The following PHF19 variants were observed in gnomAD, a reference collection of about 807,000 sequenced individuals.
The protein encoded by PHF19 is polycomb like 3.
In PHF19, 21 loss-of-function variants were observed where a neutral mutation model predicts 79.8. That is an observed-to-expected ratio of 0.26 (90% confidence interval 0.19 to 0.38). The LOEUF (loss-of-function observed/expected upper bound fraction) is 0.38. Among genes scored for constraint, PHF19 ranks in the 10% least tolerant of loss-of-function variants. The pLI is 1.00. For missense variants in PHF19, 445 were observed against 744.2 expected (o/e 0.60, Z 4.68); for synonymous variants, 273 against 296.3 (o/e 0.92, Z 0.81).
At chr9:120,868,849 C>A (rs2045790387) in intron 6 of PHF19, 1 of 1,080,754 alleles carries the variant, frequency 9.3e-7, no homozygotes, top group Non-Finnish European at 1.1e-6. Context: ...CCGCCAGGCC[C>A]GCCTCCCGAG....
In PHF19 at chr9:120,860,948, G is replaced by A; in HGVS notation, c.1304+141C>T. On this transcript the variant is annotated intron_variant, in intron 13 of 14. Coordinates refer to ENST00000373896, the MANE Select transcript of PHF19 (RefSeq NM_015651.3). The surrounding 1 kb of genome is among the most constrained non-coding windows in gnomAD (Gnocchi z 4.1). ...GCTGTGGTGCTCTGGGAACAGGGAT[G>A]TTATGCTGAAAGCTCTACTGCAAAA... 6.2e-6 allele frequency: 4 copies of A among 648,016 alleles called. 1 individual carries two copies. The highest frequency in any genetic ancestry group is 2.7e-5 in the East Asian group (1 of 36,830). The allele number at this position is 648,016 out of a possible 1,614,324, so 40.1% of individuals were successfully genotyped here.
At chr9:120,895,998 A>G (rs2046398292), upstream of PHF19, among the ~76,000 whole-genome samples, 1 of 152,112 alleles carries the variant, frequency 6.6e-6, no homozygotes, top group Admixed American at 6.6e-5. Flanking sequence ...TGTGAATTGC[A>G]TCTTTAAAAA....
rs1218867004 is a variant in PHF19 at position 120,869,353 on chromosome 9, G to T, written c.466-23C>A. ...TTTCTGGGGGGAGACGAGGGCCCCA[G>T]TCAACCACCAGGTCCGGGTGGACCA... is the stretch of plus-strand genomic sequence containing the variant. On this transcript the variant is annotated intron_variant, in intron 5 of 14. Transcript: ENST00000373896. The surrounding 1 kb of genome is among the most constrained non-coding windows in gnomAD (Gnocchi z 5.8). The T allele has an allele frequency of 1.2e-6, 2 of 1,608,586 alleles. No homozygotes were observed. The highest frequency in any genetic ancestry group is 2.2e-5 in the South Asian group (2 of 90,268).
rs1177734194 is a variant in PHF19 at position 120,860,319 on chromosome 9, AC to A, written c.1305-135del. On this transcript the variant is annotated intron_variant, in intron 13 of 14. Transcript: ENST00000373896. This position sits in a 1 kb window ranked among gnomAD's most constrained non-coding sequence, Gnocchi z 4.1. ...TCTTCCCACAGCTGAGCTTCCCACC[AC>A]CACACCTGTCTGTTTCCTACCCAGC... 3 of 632,830 alleles carry A rather than the reference AC, an allele frequency of 4.7e-6. No individual in the cohort carries two copies. The highest frequency in any genetic ancestry group is 8.7e-6 in the Non-Finnish European group (3 of 345,510). 39.2% of individuals were successfully genotyped at this position (632,830 alleles called of 1,614,324 possible).
upstream of PHF19, among the ~76,000 whole-genome samples, chr9:120,878,495 TGG>T (rs1161158413): frequency 6.6e-6 from 1 of 152,158 alleles, no homozygotes; most frequent in Non-Finnish European, 1.5e-5. Flanking sequence ...TGTGCTTTCA[TGG>T]GTGTGGCCAG....
At chr9:120,894,881 T>C (rs2046386730) in exon 1 of PHF19, 4 of 964,118 alleles carry the variant, frequency 4.1e-6, no homozygotes, top group Non-Finnish European at 5.3e-6. Context: ...GAATGCTAAA[T>C]ACACGACTTA....
At position 120,874,659 on chromosome 9, in the gene PHF19, T is replaced by A; in HGVS notation, c.83A>T (p.Lys28Met). The part of the protein sequence containing the change: ...SHLPNKGALA[K>M]VKNNFKDLMS... ...CAAGTCTTTGAAGTTGTTCTTGACC[T>A]TCGCCAGGGCCCCCTTGTTGGGGAG... is the stretch of plus-strand genomic sequence containing the variant. The change falls in exon 2 of 15, where the codon AAG becomes ATG. Residue 28 changes from lysine to methionine, a missense_variant. Physicochemically the swap from Lys to Met is moderately conservative, Grantham distance 95. Transcript: ENST00000373896. This position sits in a 1 kb window ranked among gnomAD's most constrained non-coding sequence, Gnocchi z 4.5. 6.2e-7 allele frequency: 1 copy of A among 1,613,846 alleles called. No individual in the cohort carries two copies. The highest frequency in any genetic ancestry group is 8.5e-7 in the Non-Finnish European group (1 of 1,179,698).
intron 3 of PHF19, among the ~76,000 whole-genome samples, chr9:120,871,862 A>AC (rs1216934744): frequency 5.3e-5 from 8 of 151,544 alleles, no homozygotes; most frequent in African/African-American, 1.2e-4. Context: ...ATAGGGTGAC[A>AC]CCCCCTCTCT....
At position 120,877,158 on chromosome 9, in the gene PHF19, C is replaced by T; in HGVS notation, c.-83G>A. On this transcript the variant is annotated 5_prime_UTR_variant, in exon 1 of 15. Transcript: ENST00000373896. ...CCAGGCGCATCGGTGGCGGAGGCGG[C>T]TGCGCTCGGCCCGCGGCTGCCCGGC... is the stretch of plus-strand genomic sequence containing the variant. 1 of 983,726 alleles carries T rather than the reference C, an allele frequency of 1.0e-6. No individual in the cohort carries two copies. The highest frequency in any genetic ancestry group is 1.2e-6 in the Non-Finnish European group (1 of 829,408). The allele number at this position is 983,726 out of a possible 1,614,324, so 60.9% of individuals were successfully genotyped here. A position where few individuals can be genotyped will look rare whatever the true frequency, so the allele number is the denominator to read the frequency against.
At chr9:120,872,409 G>A (rs902906538) in intron 3 of PHF19, among the ~76,000 whole-genome samples, 11 of 152,236 alleles carry the variant, frequency 7.2e-5, no homozygotes, top group Non-Finnish European at 1.5e-4. Context: ...TATGTGGTGG[G>A]CCTCCACAGG....
At chr9:120,878,463 A>T (rs1342111134), upstream of PHF19, among the ~76,000 whole-genome samples, 1 of 152,010 alleles carries the variant, frequency 6.6e-6, no homozygotes, top group Non-Finnish European at 1.5e-5. Flanking sequence ...CACTCTGCAG[A>T]CACCCCCACC....
At chr9:120,894,970 A>C, upstream of PHF19, 2 of 376,622 alleles carry the variant, frequency 5.3e-6, no homozygotes, top group Non-Finnish European at 4.6e-6. Flanking sequence ...CCAAAAATCG[A>C]TGGGAGCCTG....
chr9:120,870,350 A>T lies in PHF19; in HGVS notation c.364+93T>A. On this transcript the variant is annotated intron_variant, in intron 4 of 14. Coordinates refer to ENST00000373896, the MANE Select transcript of PHF19 (RefSeq NM_015651.3). This position sits in a 1 kb window ranked among gnomAD's most constrained non-coding sequence, Gnocchi z 4.4. The stretch of plus-strand genomic sequence containing the variant: ...GCCAAGAGAAACAGGAAGCCAGCTG[A>T]GGCCCCAACAGGCTGCAGCAGTACC... 1.3e-6 allele frequency: 1 copy of T among 772,354 alleles called. No individual in the cohort carries two copies. The highest frequency in any genetic ancestry group is 2.2e-6 in the Non-Finnish European group (1 of 446,066). The allele number at this position is 772,354 out of a possible 1,614,324, so 47.8% of individuals were successfully genotyped here.
chr9:120,875,040 G>A (rs1187002433), intron 1 of PHF19, among the ~76,000 whole-genome samples: 2 of 152,204 alleles, frequency 1.3e-5, no homozygotes, highest in Non-Finnish European at 1.5e-5. Flanking sequence ...AACCCACACA[G>A]AACAAAGTCC....
upstream of PHF19, among the ~76,000 whole-genome samples, chr9:120,881,267 C>T (rs1370633750): frequency 6.6e-6 from 1 of 151,660 alleles, no homozygotes; most frequent in Non-Finnish European, 1.5e-5. Flanking sequence ...CCTGCCTCAG[C>T]CTCCCGAGTA....
intron 9 of PHF19, among the ~76,000 whole-genome samples, chr9:120,865,163 A>G (rs2045662230): frequency 6.6e-6 from 1 of 152,174 alleles, no homozygotes; most frequent in East Asian, 1.9e-4. Flanking sequence ...CTCACTCTGT[A>G]TGTGGTGGAG....
intron 3 of PHF19, among the ~76,000 whole-genome samples, chr9:120,873,641 C>G (rs968789837): frequency 6.6e-6 from 1 of 152,238 alleles, no homozygotes. Flanking sequence ...CCCAGACTGA[C>G]GCAGAGCTTT....
At chr9:120,884,127 C>T (rs928067888) in intron 1 of PHF19, among the ~76,000 whole-genome samples, 3 of 152,074 alleles carry the variant, frequency 2.0e-5, no homozygotes, top group East Asian at 1.9e-4. Flanking sequence ...TGACTATTTG[C>T]GAGATATTTT....
At position 120,866,030 on chromosome 9, in the gene PHF19, T is replaced by A; in HGVS notation, c.777A>T (p.Arg259=). The A allele has an allele frequency of 6.2e-7, 1 of 1,612,452 alleles. No individual in the cohort carries two copies. Among genetic ancestry groups the A allele is most frequent in the Non-Finnish European group, 8.5e-7 (1 of 1,178,712 alleles). The stretch of plus-strand genomic sequence containing the variant: ...TGGACTAAGCCCCACCCTCTCACCA[T>A]CGCAGGGGCAGCCTCTCGATGTACT... ...GPEYIERLPL[R]WVDVVHLALY... is the part of the protein sequence containing the mutation. Residue 259 remains arginine, a splice_region_variant and synonymous_variant, in exon 8 of 15, where the codon CGA becomes CGT. Transcript: ENST00000373896. The surrounding 1 kb of genome is among the most constrained non-coding windows in gnomAD (Gnocchi z 5.2).
Sources: gnomAD v4.1 joint callset for allele counts (sites outside exome capture counted in the v4.1 genomes callset) on GRCh38, gnomAD v4.1.1 for gene constraint, Gnocchi (gnomAD v3.1) non-coding constraint, MANE v1.5 for transcripts, NCBI Gene and HGNC (gene_info 2026-07-23, HGNC 2026-07-21) for gene names.